WASL: variants seen among roughly 807,000 people sequenced by gnomAD.
WASL encodes the protein WASP like actin nucleation promoting factor.
WASL carries 20 observed loss-of-function variants against 55.5 expected under a neutral mutation model. The observed-to-expected ratio is 0.36, with a 90% CI of 0.25 to 0.52. WASL has a LOEUF of 0.52. Ranked by LOEUF, WASL falls within the 20% of genes least tolerant of loss-of-function variation. WASL has a pLI of 0.92. For synonymous variants in WASL, 249 were observed against 217.6 expected, an observed-to-expected ratio of 1.14 and a Z score of -1.27; for missense variants, 504 against 622.5, an observed-to-expected ratio of 0.81 and a Z score of 2.03.
Position 123,747,073 on chromosome 7 carries a change from G to A in WASL, c.117+1545C>T, listed in dbSNP as rs1346470156. On this transcript the variant is annotated intron_variant, in intron 1 of 10. Transcript: ENST00000223023. ...TAGTTTTTGGTGAAAAAGGCAAAGT[G>A]GTTATTTCTTTAACACCACTTTTAG... Among the ~76,000 whole-genome samples the A allele has an allele frequency of 2.6e-5, 4 of 151,986 alleles. No individual in the cohort carries two copies. In the East Asian group the frequency reaches 7.7e-4, roughly 29 times the overall value.
intron 9 of WASL, among the ~76,000 whole-genome samples, chr7:123,690,839 C>T (rs956917167): frequency 3.9e-5 from 6 of 152,040 alleles, no homozygotes; most frequent in African/African-American, 7.2e-5. Context: ...GTGAGAGTTA[C>T]GGGAATGAGA....
At chr7:123,748,423 G>A (rs1005383543) in intron 1 of WASL, among the ~76,000 whole-genome samples, 195 bp downstream of exon 1, 4 of 151,946 alleles carry the variant, frequency 2.6e-5, no homozygotes, top group Non-Finnish European at 4.4e-5. Context: ...GCTCGGGAAG[G>A]CGGCGCCCGA....
chr7:123,724,929 G>A (rs1184057411), intron 1 of WASL, among the ~76,000 whole-genome samples: 1 of 152,096 alleles, frequency 6.6e-6, no homozygotes, highest in African/African-American at 2.4e-5. Context: ...AGTGGTGAGA[G>A]TTTGGGGGCA....
intron 1 of WASL, among the ~76,000 whole-genome samples, chr7:123,729,523 T>TTG (rs1174809633): frequency 6.6e-6 from 1 of 152,200 alleles, no homozygotes; most frequent in Non-Finnish European, 1.5e-5. Context: ...ATGTTTTAGA[T>TTG]TACTCCAAAC....
chr7:123,721,869 C>G (rs978874347), intron 1 of WASL, among the ~76,000 whole-genome samples: 11 of 136,250 alleles, frequency 8.1e-5, no homozygotes, highest in African/African-American at 2.7e-4. Context: ...CAGTGAGCTG[C>G]GATTGAGATT....
At chr7:123,697,329 A>T (rs1468949265) in intron 5 of WASL, among the ~76,000 whole-genome samples, 1 of 152,212 alleles carries the variant, frequency 6.6e-6, no homozygotes, top group East Asian at 1.9e-4. Context: ...AATTTAAAAC[A>T]CAAAAATTCT....
chr7:123,717,141 GGA>G (rs1584866395), intron 1 of WASL, among the ~76,000 whole-genome samples: 1 of 152,120 alleles, frequency 6.6e-6, no homozygotes, highest in Admixed American at 6.6e-5. Context: ...TGGCAGGGAG[GGA>G]GAGTTTGTGG....
chr7:123,686,575 T>C (rs1197743174), intron 10 of WASL, among the ~76,000 whole-genome samples: 2 of 152,056 alleles, frequency 1.3e-5, no homozygotes, highest in East Asian at 1.9e-4. Flanking sequence ...TATTACATAC[T>C]ATTAAAAAAA....
rs759861232 is a variant in WASL at position 123,748,753 on chromosome 7, G to C, written c.-19C>G. 1 of 1,555,960 alleles carries C rather than the reference G, an allele frequency of 6.4e-7. No homozygotes were observed. The highest frequency in any genetic ancestry group is 8.7e-7 in the Non-Finnish European group (1 of 1,152,772). On this transcript the variant is annotated 5_prime_UTR_variant, in exon 1 of 11. Coordinates refer to ENST00000223023, the MANE Select transcript of WASL (RefSeq NM_003941.4). ...AGCTCATGGTTTCGCCGGCGGGGTT[G>C]GGAGTCCAGGGCCGTCTCCTCCGGC...
chr7:123,705,728 G>A (rs1346939617), intron 4 of WASL, among the ~76,000 whole-genome samples: 1 of 152,068 alleles, frequency 6.6e-6, no homozygotes, highest in African/African-American at 2.4e-5. Flanking sequence ...TGTTAGAGTT[G>A]TTTCACACAC....
chr7:123,726,280 G>GT (rs1804038032), intron 1 of WASL, among the ~76,000 whole-genome samples: 1 of 152,072 alleles, frequency 6.6e-6, no homozygotes, highest in Admixed American at 6.5e-5. Context: ...AAATGGTGCT[G>GT]TATCAAATTA....
chr7:123,705,075 C>G (rs2116785379), intron 4 of WASL, among the ~76,000 whole-genome samples: 1 of 152,284 alleles, frequency 6.6e-6, no homozygotes, highest in Non-Finnish European at 1.5e-5. Flanking sequence ...ACTCTGGCTA[C>G]TGTATAGAAA....
chr7:123,733,603 T>C (rs1301866821), intron 1 of WASL, among the ~76,000 whole-genome samples: 2 of 152,156 alleles, frequency 1.3e-5, no homozygotes, highest in African/African-American at 4.8e-5. Flanking sequence ...ATCCTAGTTA[T>C]TTTGTGGATA....
At chr7:123,697,811 T>G (rs947593639) in intron 5 of WASL, among the ~76,000 whole-genome samples, 2 of 152,228 alleles carry the variant, frequency 1.3e-5, no homozygotes, top group African/African-American at 2.4e-5. Context: ...GGGCTTATTG[T>G]GTCTAAACTG....
chr7:123,724,699 T>C (rs1406887320), intron 1 of WASL, among the ~76,000 whole-genome samples: 1 of 152,222 alleles, frequency 6.6e-6, no homozygotes, highest in African/African-American at 2.4e-5. Flanking sequence ...TGCTGTGCTA[T>C]CAAAATTGTC....
chr7:123,704,259 A>G (rs1803633591), intron 5 of WASL, among the ~76,000 whole-genome samples: 1 of 152,212 alleles, frequency 6.6e-6, no homozygotes, highest in Non-Finnish European at 1.5e-5. Context: ...ATTAACAAAT[A>G]TTCTAGACAA....
chr7:123,703,368 C>G (rs1209824322), intron 5 of WASL, among the ~76,000 whole-genome samples: 5 of 152,146 alleles, frequency 3.3e-5, no homozygotes, highest in African/African-American at 1.2e-4. Context: ...CAGAAGGTTG[C>G]TGTACAGTGC....
intron 1 of WASL, among the ~76,000 whole-genome samples, chr7:123,720,727 T>A (rs1368685945): frequency 6.6e-6 from 1 of 151,162 alleles, no homozygotes; most frequent in Non-Finnish European, 1.5e-5. Context: ...CTTGGCTCAC[T>A]GCAAGCTCCG....
intron 1 of WASL, among the ~76,000 whole-genome samples, chr7:123,725,132 G>A (rs746153543): frequency 1.8e-4 from 28 of 152,210 alleles, no homozygotes; most frequent in Non-Finnish European, 3.7e-4. Context: ...CTGTAAGTCA[G>A]ATGAGCATAG....
Sources: allele counts gnomAD v4.1 joint callset (sites outside exome capture counted in the v4.1 genomes callset), GRCh38; gene constraint gnomAD v4.1.1; transcripts MANE v1.5; gene names NCBI Gene and HGNC (gene_info 2026-07-23, HGNC 2026-07-21).